Variants in RERE observed in about 807,000 individuals in gnomAD.
The protein encoded by RERE is arginine-glutamic acid dipeptide repeats.
A neutral mutation model predicts 146.1 loss-of-function variants in RERE; 40 were observed. That is an observed-to-expected ratio of 0.27 (90% CI 0.21 to 0.36). RERE has a LOEUF of 0.36. Ranked by LOEUF, RERE falls within the 10% of genes least tolerant of loss-of-function variation. The pLI is 1.00. For missense variants in RERE, 1,933 were observed against 2,138.7 expected (o/e 0.90, Z 1.90); for synonymous variants, 1,003 against 866.0 (o/e 1.16, Z -2.78).
intron 7 of RERE, among the ~76,000 whole-genome samples, chr1:8,531,027 AT>A (rs1238160880): frequency 7.2e-6 from 1 of 139,258 alleles, no homozygotes; most frequent in Non-Finnish European, 1.6e-5. Context: ...CTATCTATCT[AT>A]CTATCTATCT....
intron 7 of RERE, among the ~76,000 whole-genome samples, chr1:8,511,421 A>T (rs1000509918): frequency 6.6e-6 from 1 of 152,238 alleles, no homozygotes; most frequent in Non-Finnish European, 1.5e-5. Flanking sequence ...TTTAAATATC[A>T]GGGTTCTATA....
chr1:8,471,714 A>G (rs1007549333), intron 10 of RERE, among the ~76,000 whole-genome samples: 2 of 151,968 alleles, frequency 1.3e-5, no homozygotes, highest in African/African-American at 4.8e-5. Flanking sequence ...GGAACTCACT[A>G]TGCTGCCTAG....
intron 6 of RERE, among the ~76,000 whole-genome samples, chr1:8,546,839 G>A (rs1302950063): frequency 1.4e-5 from 2 of 146,984 alleles, no homozygotes; most frequent in African/African-American, 2.5e-5. Context: ...GCAAGACTTC[G>A]TCTCAAAACA....
At chr1:8,766,599 C>T (rs1352861739) in intron 1 of RERE, among the ~76,000 whole-genome samples, 1 of 150,476 alleles carries the variant, frequency 6.6e-6, no homozygotes, top group East Asian at 1.9e-4. Context: ...AGACAGTGGC[C>T]TGAACTAGCG....
At chr1:8,442,909 T>C (rs1472404699) in intron 11 of RERE, among the ~76,000 whole-genome samples, 1 of 152,180 alleles carries the variant, frequency 6.6e-6, no homozygotes, top group East Asian at 1.9e-4. Flanking sequence ...GTCACCCTTG[T>C]GATGTCCTAG....
intron 1 of RERE, among the ~76,000 whole-genome samples, chr1:8,745,612 G>A (rs182961968): frequency 4.5e-4 from 68 of 152,232 alleles, no homozygotes; most frequent in African/African-American, 1.6e-3. Context: ...AACTTCTACA[G>A]GATTCCACGG....
intron 7 of RERE, among the ~76,000 whole-genome samples, chr1:8,516,537 G>GT (rs1645422079): frequency 6.6e-6 from 1 of 152,036 alleles, no homozygotes; most frequent in African/African-American, 2.4e-5. Flanking sequence ...TGCTATTGTA[G>GT]TAAGTGTACA....
chr1:8,706,589 A>T (rs1243527533), intron 1 of RERE, among the ~76,000 whole-genome samples: 1 of 152,264 alleles, frequency 6.6e-6, no homozygotes, highest in Non-Finnish European at 1.5e-5. Flanking sequence ...CTTAGAAAGT[A>T]CTTTGTACAC....
chr1:8,370,720 G>A (rs1468315724), intron 12 of RERE, among the ~76,000 whole-genome samples: 2 of 152,214 alleles, frequency 1.3e-5, no homozygotes, highest in African/African-American at 2.4e-5. Flanking sequence ...AGGGAGTGAA[G>A]CAGCTAGAGG....
chr1:8,693,415 A>G (rs187023649), intron 1 of RERE, among the ~76,000 whole-genome samples: 1 of 152,364 alleles, frequency 6.6e-6, no homozygotes, highest in African/African-American at 2.4e-5. Flanking sequence ...TCAGTGATAA[A>G]AAGTAGTGAG....
intron 7 of RERE, chr1:8,511,767 T>TTTTTTC (rs1645338528): frequency 6.6e-6 from 1 of 151,084 alleles, no homozygotes; most frequent in Non-Finnish European, 1.5e-5. Flanking sequence ...CTCTCCTCTC[T>TTTTTTC]TTTTTCTTTT....
chr1:8,363,925 A>C, intron 15 of RERE, 131 bp downstream of exon 15: 1 of 829,096 alleles, frequency 1.2e-6, no homozygotes, highest in Non-Finnish European at 1.9e-6. Context: ...CGCCTCGGGC[A>C]AAGCAGCTCC....
intron 1 of RERE, among the ~76,000 whole-genome samples, chr1:8,731,616 G>C (rs1052720959): frequency 6.6e-6 from 1 of 151,576 alleles, no homozygotes; most frequent in African/African-American, 2.4e-5. Context: ...CATTACAACT[G>C]ACAGAGCTTC....
At chr1:8,542,667 T>G (rs1645813345) in intron 6 of RERE, among the ~76,000 whole-genome samples, 1 of 152,074 alleles carries the variant, frequency 6.6e-6, no homozygotes, top group Admixed American at 6.6e-5. Context: ...TCACCACACC[T>G]GGTTAATTTT....
intron 8 of RERE, among the ~76,000 whole-genome samples, chr1:8,508,195 G>T (rs533966273): frequency 3.9e-5 from 6 of 152,294 alleles, no homozygotes; most frequent in African/African-American, 1.2e-4. Context: ...ACATTATGCT[G>T]AGTGAAATAA....
intron 2 of RERE, among the ~76,000 whole-genome samples, chr1:8,639,578 G>C (rs1208079385): frequency 6.6e-6 from 1 of 152,198 alleles, no homozygotes; most frequent in Non-Finnish European, 1.5e-5. Flanking sequence ...TTGCAAGGAA[G>C]AAATATCATC....
rs188390695 is a variant in RERE, at chr1:8,450,648, C to A, written c.1203+15277G>T. The stretch of plus-strand genomic sequence containing the variant: ...CAGCTTTCTCACTTTCAGATCCACA[C>A]AGAATCCCTTTTAACCCCTCCAGTT... On this transcript the variant is annotated intron_variant, in intron 11 of 22. Transcript: ENST00000400908. 9.6e-4 allele frequency among the ~76,000 whole-genome samples: 146 copies of A among 152,286 alleles called. 2 individuals are homozygous for A. Among genetic ancestry groups the A allele is most frequent in the African/African-American group, 3.4e-3 (143 of 41,546 alleles).
intron 1 of RERE, among the ~76,000 whole-genome samples, chr1:8,709,857 T>G (rs1410678439): frequency 6.6e-6 from 1 of 152,024 alleles, no homozygotes; most frequent in Admixed American, 6.5e-5. Context: ...TCAGAGAGAG[T>G]CAAACAGCCA....
intron 10 of RERE, among the ~76,000 whole-genome samples, chr1:8,485,894 A>T: frequency 6.7e-6 from 1 of 148,650 alleles, no homozygotes; most frequent in Non-Finnish European, 1.5e-5. Flanking sequence ...CGCCTCCCAG[A>T]TTCAAGCAAT....
Sources: allele counts gnomAD v4.1 joint callset (sites outside exome capture counted in the v4.1 genomes callset), GRCh38; gene constraint gnomAD v4.1.1; transcripts MANE v1.5; gene names NCBI Gene and HGNC (gene_info 2026-07-23, HGNC 2026-07-21).